The following SETBP1 variants were observed in gnomAD, a reference collection of about 807,000 sequenced individuals.
The protein encoded by SETBP1 is SET-binding protein.
SETBP1 carries 9 observed loss-of-function variants against 101.0 expected under a neutral mutation model. The observed-to-expected ratio is 0.09, with a 90% CI of 0.05 to 0.16. The LOEUF (loss-of-function observed/expected upper bound fraction) is 0.16, where lower values mean the gene tolerates loss of function less well. SETBP1 is among the 10% of genes least tolerant of loss of function. The pLI is 1.00. For missense variants in SETBP1, 1,858 were observed against 2,033.8 expected (o/e 0.91, Z 1.66); for synonymous variants, 818 against 788.5 (o/e 1.04, Z -0.63).
intron 2 of SETBP1, among the ~76,000 whole-genome samples, chr18:44,865,448 A>T (rs1400234066): frequency 6.6e-6 from 1 of 151,948 alleles, no homozygotes; most frequent in Non-Finnish European, 1.5e-5. Context: ...TTCTCCAGGG[A>T]CCTCCAACTG....
chr18:45,004,611 A>G (rs1319617185), intron 4 of SETBP1, among the ~76,000 whole-genome samples: 1 of 152,208 alleles, frequency 6.6e-6, no homozygotes, highest in Non-Finnish European at 1.5e-5. Flanking sequence ...CTGAGATCTA[A>G]CCTGGTGCCC....
intron 3 of SETBP1, among the ~76,000 whole-genome samples, chr18:44,934,608 C>T (rs1308592663): frequency 6.6e-6 from 1 of 152,212 alleles, no homozygotes; most frequent in Non-Finnish European, 1.5e-5. Flanking sequence ...GTAACCCTGA[C>T]CAGGCACCAG....
chr18:44,706,079 C>A (rs748601062), intron 2 of SETBP1, among the ~76,000 whole-genome samples: 1 of 152,140 alleles, frequency 6.6e-6, no homozygotes. Flanking sequence ...GGGGAGAGCT[C>A]AGAAGCTACT....
intron 4 of SETBP1, among the ~76,000 whole-genome samples, chr18:45,015,152 C>A (rs2072915746): frequency 6.6e-6 from 1 of 152,228 alleles, no homozygotes; most frequent in Admixed American, 6.5e-5. Flanking sequence ...GACCCCAAAC[C>A]TGGCCAGAGC....
In SETBP1 at chr18:44,950,159, G is replaced by T; in HGVS notation, c.819G>T (p.Thr273=). The T allele has an allele frequency of 6.2e-7, 1 of 1,613,836 alleles. No individual in the cohort carries two copies. The change falls in exon 4 of 6, where the codon ACG becomes ACT. Residue 273 remains threonine, a synonymous_variant. Transcript: ENST00000649279. ...AQGKKGSAGN[T]WSQLSNNNKD... ...GTAAGAAAGGCAGTGCAGGGAACAC[G>T]TGGAGTCAGTTGTCTAACAATAACA...
chr18:44,906,215 A>C (rs1285811803), intron 3 of SETBP1, among the ~76,000 whole-genome samples: 1 of 152,296 alleles, frequency 6.6e-6, no homozygotes, highest in African/African-American at 2.4e-5. Flanking sequence ...TTGGAACTTA[A>C]GTGATTAAGA....
chr18:44,830,358 T>C (rs1002515831), intron 2 of SETBP1, among the ~76,000 whole-genome samples: 1 of 152,234 alleles, frequency 6.6e-6, no homozygotes, highest in Non-Finnish European at 1.5e-5. Flanking sequence ...AGTGACCTTA[T>C]GTAAGGTGGT....
chr18:44,867,062 C>G (rs2069145059), intron 2 of SETBP1, among the ~76,000 whole-genome samples: 1 of 152,092 alleles, frequency 6.6e-6, no homozygotes, highest in Admixed American at 6.6e-5. Context: ...GATTTAAATC[C>G]CAAATACATG....
intron 2 of SETBP1, among the ~76,000 whole-genome samples, chr18:44,774,904 T>G (rs1012878085): frequency 1.1e-4 from 13 of 117,856 alleles, no homozygotes; most frequent in African/African-American, 4.1e-4. Flanking sequence ...TTACTTGGTG[T>G]TTTTTTTTTT....
chr18:44,992,068 C>A (rs114190195), intron 4 of SETBP1, among the ~76,000 whole-genome samples: 1,991 of 152,170 alleles, frequency 0.013, 47 homozygotes, highest in African/African-American at 0.046. Context: ...ATAGTGAAAA[C>A]ACAACATGTC....
intron 3 of SETBP1, among the ~76,000 whole-genome samples, chr18:44,940,478 A>AT (rs2071062647): frequency 2.6e-5 from 4 of 151,946 alleles, no homozygotes; most frequent in Admixed American, 2.0e-4. Flanking sequence ...GTCATCAAGC[A>AT]TTTTTTTGTA....
chr18:45,055,204 G>C (rs2073788479), intron 5 of SETBP1, among the ~76,000 whole-genome samples: 1 of 152,230 alleles, frequency 6.6e-6, no homozygotes, highest in African/African-American at 2.4e-5. Flanking sequence ...TAAATACCAA[G>C]TGAGTGAATA....
chr18:44,800,677 A>C (rs1395962213), intron 2 of SETBP1, among the ~76,000 whole-genome samples: 2 of 152,136 alleles, frequency 1.3e-5, no homozygotes, highest in Admixed American at 6.6e-5. Flanking sequence ...GGAAATTTTG[A>C]GGAACTGGAA....
At chr18:45,015,677 C>T (rs2072926126) in intron 4 of SETBP1, among the ~76,000 whole-genome samples, 1 of 152,170 alleles carries the variant, frequency 6.6e-6, no homozygotes, top group African/African-American at 2.4e-5. Context: ...TGTGCATCTA[C>T]CTTTATCAAT....
At chr18:45,000,873 C>T (rs528856817) in intron 4 of SETBP1, among the ~76,000 whole-genome samples, 4 of 151,252 alleles carry the variant, frequency 2.6e-5, no homozygotes, top group African/African-American at 4.9e-5. Context: ...ACATTTTTGT[C>T]GCCTTAAAAG....
At chr18:44,821,807 C>G (rs1018289310) in intron 2 of SETBP1, among the ~76,000 whole-genome samples, 2 of 152,190 alleles carry the variant, frequency 1.3e-5, no homozygotes, top group African/African-American at 4.8e-5. Context: ...AAAAGAATTT[C>G]CTCAGAATCA....
rs536895949 is a variant in SETBP1 at position 44,829,345 on chromosome 18, G to A, written c.487-39885G>A. On this transcript the variant is annotated intron_variant, in intron 2 of 5. Transcript: ENST00000649279. Reference sequence around the variant, plus strand: ...CCTGTGAATAATTTTTTTTGGTCAAGTATAATTCTATTGAAAAGACGAAAT... The same window carrying A: ...CCTGTGAATAATTTTTTTTGGTCAAATATAATTCTATTGAAAAGACGAAAT... Among the ~76,000 whole-genome samples the A allele has an allele frequency of 3.9e-5, 6 of 152,278 alleles. No homozygotes were observed. The East Asian group carries it at 1.2e-3, about 29-fold the overall frequency.
chr18:44,840,496 G>A (rs2072594479), intron 2 of SETBP1, among the ~76,000 whole-genome samples: 2 of 152,194 alleles, frequency 1.3e-5, no homozygotes, highest in Admixed American at 1.3e-4. Flanking sequence ...CCTCAGGTCT[G>A]GGCTGTTTTC....
intron 2 of SETBP1, among the ~76,000 whole-genome samples, chr18:44,708,849 C>T (rs1453736238): frequency 6.6e-6 from 1 of 152,216 alleles, no homozygotes; most frequent in South Asian, 2.1e-4. Context: ...AAGGGCCATT[C>T]TGTTTCATCA....
Sources: allele counts gnomAD v4.1 joint callset (sites outside exome capture counted in the v4.1 genomes callset), GRCh38; gene constraint gnomAD v4.1.1; transcripts MANE v1.5; gene names NCBI Gene and HGNC (gene_info 2026-07-23, HGNC 2026-07-21).